Variants in KLHL32 observed in about 807,000 individuals in gnomAD.
KLHL32 encodes the protein kelch like family member 32.
KLHL32 carries 35 observed loss-of-function variants against 64.8 expected under a neutral mutation model. The observed-to-expected ratio is 0.54, with a 90% CI of 0.41 to 0.72. The LOEUF is 0.72. Ranked by LOEUF, KLHL32 falls within the 30% of genes least tolerant of loss-of-function variation. The probability of loss-of-function intolerance (pLI) is 0.00; values close to 1 mark genes in which losing one functional copy is unlikely to be tolerated. For missense variants in KLHL32, 589 were observed against 768.5 expected, an observed-to-expected ratio of 0.77 and a Z score of 2.76; for synonymous variants, 259 against 281.0, an observed-to-expected ratio of 0.92 and a Z score of 0.78.
chr6:97,015,800 G>C (rs1330728494), intron 3 of KLHL32, among the ~76,000 whole-genome samples: 1 of 152,154 alleles, frequency 6.6e-6, no homozygotes, highest in African/African-American at 2.4e-5. Context: ...CCCATCAGAG[G>C]CATGGAGGCC....
the KLHL32 span, among the ~76,000 whole-genome samples, chr6:96,905,151 C>G: frequency 1.3e-5 from 2 of 151,798 alleles, no homozygotes; most frequent in Admixed American, 6.6e-5. Flanking sequence ...GCCCCAGCTA[C>G]AGAAGGTAGT....
At chr6:97,009,558 G>A (rs1290271299) in intron 3 of KLHL32, among the ~76,000 whole-genome samples, 1 of 152,176 alleles carries the variant, frequency 6.6e-6, no homozygotes, top group African/African-American at 2.4e-5. Context: ...ATGCATGCGA[G>A]ATGTTCCTTT....
At chr6:97,017,514 G>T (rs947435250) in intron 3 of KLHL32, among the ~76,000 whole-genome samples, 3 of 152,206 alleles carry the variant, frequency 2.0e-5, no homozygotes, top group Non-Finnish European at 4.4e-5. Flanking sequence ...TCAGGCAAGG[G>T]TTAGGTGGAA....
At chr6:96,926,952 T>C (rs946463851) in intron 1 of KLHL32, among the ~76,000 whole-genome samples, 4 of 152,252 alleles carry the variant, frequency 2.6e-5, no homozygotes, top group Non-Finnish European at 4.4e-5. Context: ...TATAAGTTAG[T>C]ATTCTCTAAC....
chr6:97,103,441 C>T (rs1185193808), intron 6 of KLHL32, among the ~76,000 whole-genome samples: 2 of 152,120 alleles, frequency 1.3e-5, no homozygotes, highest in African/African-American at 4.8e-5. Flanking sequence ...TCTCGATCTC[C>T]TGACCTTGTG....
intron 3 of KLHL32, among the ~76,000 whole-genome samples, chr6:96,997,421 G>A (rs1449858962): frequency 7.9e-5 from 12 of 152,096 alleles, no homozygotes; most frequent in African/African-American, 2.9e-4. Context: ...TAAGACATTA[G>A]TTTGTCTTAT....
chr6:96,967,852 G>A (rs866311159), intron 2 of KLHL32, among the ~76,000 whole-genome samples: 2 of 152,194 alleles, frequency 1.3e-5, no homozygotes, highest in Non-Finnish European at 2.9e-5. Flanking sequence ...TTGAAGGGGG[G>A]CATGCCCTGA....
chr6:96,932,205 ATT>A (rs71012578), intron 1 of KLHL32, among the ~76,000 whole-genome samples: 18 of 104,454 alleles, frequency 1.7e-4, no homozygotes, highest in Admixed American at 1.9e-4. Flanking sequence ...TGACTGGGTT[ATT>A]TTTTTTTTTT....
rs775200105 is a variant in KLHL32 at position 97,050,277 on chromosome 6, C to T, written c.312+8678C>T. Among the ~76,000 whole-genome samples, 2 of 152,126 alleles carry T rather than the reference C, an allele frequency of 1.3e-5. 1 individual carries two copies. Among genetic ancestry groups the T allele is most frequent in the African/African-American group, 4.8e-5 (2 of 41,402 alleles). On this transcript the variant is annotated intron_variant, in intron 4 of 10. Transcript: ENST00000369261. Reference sequence around the variant, plus strand: ...TTGGCAGAAATAGAATGCGCAACCCCCCAACCCAAAATCTGATTTGGATGT... The same window carrying T: ...TTGGCAGAAATAGAATGCGCAACCCTCCAACCCAAAATCTGATTTGGATGT...
At chr6:97,039,278 C>A (rs958033189) in intron 3 of KLHL32, among the ~76,000 whole-genome samples, 2 of 151,934 alleles carry the variant, frequency 1.3e-5, no homozygotes, top group Non-Finnish European at 2.9e-5. Context: ...TGAACTAAGC[C>A]TAGCACAAAA....
chr6:97,123,091 T>G (rs978703201), intron 7 of KLHL32, among the ~76,000 whole-genome samples: 2 of 152,214 alleles, frequency 1.3e-5, no homozygotes, highest in East Asian at 3.9e-4. Flanking sequence ...TGGAGTTTAC[T>G]CTATTTACCA....
chr6:97,014,154 C>T (rs1161838462), intron 3 of KLHL32, among the ~76,000 whole-genome samples: 2 of 151,904 alleles, frequency 1.3e-5, no homozygotes, highest in South Asian at 2.1e-4. Context: ...ATTAGCCGGG[C>T]GTTGTGGTGG....
At chr6:97,119,981 G>T (rs1798191617) in intron 7 of KLHL32, among the ~76,000 whole-genome samples, 2 of 152,114 alleles carry the variant, frequency 1.3e-5, no homozygotes, top group African/African-American at 2.4e-5. Flanking sequence ...GAGGGATTTT[G>T]TTTGTTTAAG....
chr6:97,095,997 G>A (rs904433720), intron 6 of KLHL32, among the ~76,000 whole-genome samples: 1 of 152,032 alleles, frequency 6.6e-6, no homozygotes, highest in Non-Finnish European at 1.5e-5. Context: ...TTCCTGGTGA[G>A]CAATTGGCTC....
chr6:97,125,374 T>C (rs1383453137), intron 7 of KLHL32, among the ~76,000 whole-genome samples: 1 of 152,202 alleles, frequency 6.6e-6, no homozygotes, highest in African/African-American at 2.4e-5. Flanking sequence ...TTGATGGTGG[T>C]GACCTATTCA....
chr6:97,016,712 CA>C (rs1781248948), intron 3 of KLHL32, among the ~76,000 whole-genome samples: 1 of 152,062 alleles, frequency 6.6e-6, no homozygotes, highest in Non-Finnish European at 1.5e-5. Context: ...TGGGAGGGGC[CA>C]GGGGCAGAAT....
At chr6:96,906,203 G>A in the KLHL32 span, among the ~76,000 whole-genome samples, 3 of 152,212 alleles carry the variant, frequency 2.0e-5, no homozygotes, top group Non-Finnish European at 4.4e-5. Context: ...AGGGAACCCA[G>A]TTAAGCCTGC....
At chr6:97,029,901 A>G (rs76756676) in intron 3 of KLHL32, among the ~76,000 whole-genome samples, 2,483 of 152,352 alleles carry the variant, frequency 0.016, 30 homozygotes, top group East Asian at 0.071. Flanking sequence ...CATTGTAAAC[A>G]TCATTAATTA....
intron 2 of KLHL32, among the ~76,000 whole-genome samples, chr6:96,971,324 C>T (rs1775081508): frequency 6.6e-6 from 1 of 152,130 alleles, no homozygotes. Context: ...GAACATCAAA[C>T]CCTATAGGAT....
Sources: allele counts gnomAD v4.1 joint callset (sites outside exome capture counted in the v4.1 genomes callset), GRCh38; gene constraint gnomAD v4.1.1; transcripts MANE v1.5; gene names NCBI Gene and HGNC (gene_info 2026-07-23, HGNC 2026-07-21).